The following COL6A5 variants were observed in gnomAD, a reference collection of about 807,000 sequenced individuals.
COL6A5 encodes the protein collagen alpha-5(VI) chain.
In COL6A5, 48 loss-of-function variants were observed where a neutral mutation model predicts 65.6. The ratio of observed to expected loss-of-function variants is 0.73; its 90% CI spans 0.58 to 0.93. The LOEUF (loss-of-function observed/expected upper bound fraction) is 0.93, where lower values mean the gene tolerates loss of function less well. Among genes scored for constraint, COL6A5 ranks in the 40% least tolerant of loss-of-function variants. The probability of loss-of-function intolerance (pLI) is 0.00; values close to 1 mark genes in which losing one functional copy is unlikely to be tolerated. For synonymous variants in COL6A5, 291 were observed against 322.8 expected, an observed-to-expected ratio of 0.90 and a Z score of 1.05; for missense variants, 914 against 928.3, an observed-to-expected ratio of 0.98 and a Z score of 0.20.
At chr3:130,416,039 A>G (rs1025804133) in intron 23 of COL6A5, among the ~76,000 whole-genome samples, 1 of 152,160 alleles carries the variant, frequency 6.6e-6, no homozygotes, top group Non-Finnish European at 1.5e-5. Context: ...AAAGTTATAC[A>G]TGCCATGCAC....
intron 5 of COL6A5, among the ~76,000 whole-genome samples, chr3:130,468,165 G>A (rs1039943381): frequency 6.6e-6 from 1 of 152,016 alleles, no homozygotes; most frequent in Admixed American, 6.6e-5. Context: ...TAGTAATTTA[G>A]TTGACTTACA....
chr3:130,359,501 T>C (rs983726773), intron 1 of COL6A5, among the ~76,000 whole-genome samples: 15 of 152,158 alleles, frequency 9.9e-5, no homozygotes, highest in Admixed American at 3.3e-4. Context: ...ATAAGTCTAT[T>C]AAATTTTGCC....
chr3:130,396,746 C>G (rs1347594275), intron 8 of COL6A5, among the ~76,000 whole-genome samples: 1 of 152,228 alleles, frequency 6.6e-6, no homozygotes, highest in African/African-American at 2.4e-5. Context: ...AGTTCATTTT[C>G]CTCACACCCT....
chr3:130,430,387 T>C (rs72982502), upstream of COL6A5, among the ~76,000 whole-genome samples: 2,183 of 152,302 alleles, frequency 0.014, 56 homozygotes, highest in African/African-American at 0.05. Flanking sequence ...TGAATACTTC[T>C]CTATTTTTAT....
upstream of COL6A5, among the ~76,000 whole-genome samples, chr3:130,429,785 G>A (rs2107692320): frequency 6.6e-6 from 1 of 152,282 alleles, no homozygotes. Context: ...CCAGCCCCTA[G>A]CCTGGGACCC....
At chr3:130,418,521 G>C (rs890093229) in intron 24 of COL6A5, among the ~76,000 whole-genome samples, 28 of 152,202 alleles carry the variant, frequency 1.8e-4, no homozygotes, top group Admixed American at 1.3e-3. Flanking sequence ...GGTGAGGACA[G>C]GACCTCCCCT....
chr3:130,395,538 C>T, intron 8 of COL6A5, 73 bp downstream of exon 8: 1 of 1,093,582 alleles, frequency 9.1e-7, no homozygotes, highest in Admixed American at 2.7e-5. Context: ...GTCTTATGGG[C>T]TAGCTCTAGC....
At chr3:130,413,639 T>C in intron 21 of COL6A5, 59 bp downstream of exon 21, 2 of 1,489,988 alleles carry the variant, frequency 1.3e-6, no homozygotes, top group South Asian at 2.4e-5. Context: ...GTTTCTCCCA[T>C]GTAGGTGGTG....
intron 1 of COL6A5, among the ~76,000 whole-genome samples, chr3:130,437,683 G>T (rs984209257): frequency 6.6e-6 from 1 of 151,922 alleles, no homozygotes; most frequent in Admixed American, 6.6e-5. Flanking sequence ...TCCCAGACAC[G>T]CTGTCTTCCC....
chr3:130,440,810 T>G (rs779570092), exon 3 of COL6A5: 7 of 1,610,834 alleles, frequency 4.3e-6, no homozygotes, highest in Middle Eastern at 1.6e-4. Flanking sequence ...AAAGCCATTT[T>G]TATACTCGGT....
At chr3:130,386,317 C>A (rs1936184359) in intron 5 of COL6A5, among the ~76,000 whole-genome samples, 1 of 151,920 alleles carries the variant, frequency 6.6e-6, no homozygotes, top group Non-Finnish European at 1.5e-5. Flanking sequence ...ACACGTGGAG[C>A]AGTTAGAGGA....
intron 12 of COL6A5, among the ~76,000 whole-genome samples, chr3:130,402,576 G>A (rs1297665701): frequency 6.6e-6 from 1 of 152,084 alleles, no homozygotes; most frequent in African/African-American, 2.4e-5. Context: ...TATCTAGGGA[G>A]GAATACTTAA....
intron 3 of COL6A5, among the ~76,000 whole-genome samples, 157 bp from the exon 4 acceptor site, chr3:130,379,261 A>C (rs958433438): frequency 6.6e-6 from 1 of 152,134 alleles, no homozygotes; most frequent in East Asian, 1.9e-4. Flanking sequence ...AGTCTTGTTT[A>C]GAATTTTGAT....
At chr3:130,446,293 G>A (rs1335798350) in intron 4 of COL6A5, among the ~76,000 whole-genome samples, 2 of 152,124 alleles carry the variant, frequency 1.3e-5, no homozygotes, top group Admixed American at 6.5e-5. Context: ...GGTCGAATAA[G>A]TGGAGGAAAA....
chr3:130,399,145 C>G (rs1325259830), intron 10 of COL6A5, among the ~76,000 whole-genome samples: 1 of 152,170 alleles, frequency 6.6e-6, no homozygotes, highest in East Asian at 1.9e-4. Flanking sequence ...TTTAAGAATT[C>G]CTTGGTGTAG....
At chr3:130,435,705 T>C (rs554913579) in intron 1 of COL6A5, among the ~76,000 whole-genome samples, 2 of 152,268 alleles carry the variant, frequency 1.3e-5, no homozygotes, top group South Asian at 2.1e-4. Flanking sequence ...TGATTGTAAA[T>C]GGGAGTTCAC....
chr3:130,397,739 C>T, exon 9 of COL6A5: 1 of 1,551,660 alleles, frequency 6.4e-7, no homozygotes, highest in Non-Finnish European at 8.7e-7. Context: ...GGCACAGAGG[C>T]ACAGGTGAGC....
At chr3:130,484,078 C>G in exon 8 of COL6A5, 2 of 1,601,796 alleles carry the variant, frequency 1.2e-6, no homozygotes. Flanking sequence ...GAAGATAGCT[C>G]CACTGACATG....
At chr3:130,480,784 T>C (rs1710218964) in intron 7 of COL6A5, among the ~76,000 whole-genome samples, 1 of 152,100 alleles carries the variant, frequency 6.6e-6, no homozygotes, top group Non-Finnish European at 1.5e-5. Flanking sequence ...CTCTCTAAGA[T>C]TCTGTTTTAG....
Sources: gnomAD v4.1 joint callset for allele counts (sites outside exome capture counted in the v4.1 genomes callset) on GRCh38, gnomAD v4.1.1 for gene constraint, MANE v1.5 for transcripts, NCBI Gene and HGNC (gene_info 2026-07-23, HGNC 2026-07-21) for gene names.